ATG3: variants seen among roughly 807,000 people sequenced by gnomAD.
ATG3 encodes the protein ubiquitin-like-conjugating enzyme ATG3.
A neutral mutation model predicts 50.7 loss-of-function variants in ATG3; 25 were observed. That is an observed-to-expected ratio of 0.49 (90% CI 0.36 to 0.69). The LOEUF (loss-of-function observed/expected upper bound fraction) is 0.69. Among genes scored for constraint, ATG3 ranks in the 30% least tolerant of loss-of-function variants. The probability of loss-of-function intolerance (pLI) is 0.00; values close to 1 mark genes in which losing one functional copy is unlikely to be tolerated. For synonymous variants in ATG3, 119 were observed against 125.5 expected, an observed-to-expected ratio of 0.95 and a Z score of 0.34; for missense variants, 281 against 376.0, an observed-to-expected ratio of 0.75 and a Z score of 2.09.
Position 112,548,584 on chromosome 3 carries a change from T to C in ATG3, c.292A>G (p.Ile98Val), listed in dbSNP as rs1460429319. ...MEYSDELEAI[I>V]EEDDGDGGWV... ...CCGCCATCACCATCATCTTCTTCAA[T>C]GATAGCTTCCAATTCATCTGAATAT... is the stretch of plus-strand genomic sequence containing the variant. The change falls in exon 5 of 12, where the codon ATT (isoleucine) becomes GTT (valine). Residue 98 changes from isoleucine to valine, a missense_variant. Ile to Val is a conservative substitution (Grantham distance 29, BLOSUM62 3). Coordinates refer to ENST00000283290, the MANE Select transcript of ATG3 (RefSeq NM_022488.5). The C allele has an allele frequency of 6.2e-6, 10 of 1,613,968 alleles. No individual in the cohort carries two copies. Among genetic ancestry groups the C allele is most frequent in the East Asian group, 2.2e-5 (1 of 44,874 alleles).
Position 112,537,727 on chromosome 3 carries a change from AT to A in ATG3, c.666+7del. 1 of 1,540,322 alleles carries A rather than the reference AT, an allele frequency of 6.5e-7. No homozygotes were observed. The stretch of plus-strand genomic sequence containing the variant: ...TTGATATTAAAATATAATGCTTTTC[AT>A]TTTTACCTCATCATAGCCAAACAAC... On this transcript the variant is annotated splice_region_variant and intron_variant, in intron 9 of 11. Coordinates refer to ENST00000283290, the MANE Select transcript of ATG3 (RefSeq NM_022488.5).
chr3:112,561,242 A>C (rs967345641), intron 1 of ATG3, among the ~76,000 whole-genome samples: 8 of 152,210 alleles, frequency 5.3e-5, no homozygotes, highest in Non-Finnish European at 1.0e-4. Context: ...AGGAACACGC[A>C]GAGCGTCGCT....
chr3:112,541,171 G>A (rs535436259), intron 7 of ATG3, among the ~76,000 whole-genome samples: 64 of 152,234 alleles, frequency 4.2e-4, no homozygotes, highest in South Asian at 2.3e-3. Flanking sequence ...GGGCGATCAT[G>A]AGGTTAAGAG....
chr3:112,535,093 T>A (rs1277806316), intron 10 of ATG3: 2 of 152,068 alleles, frequency 1.3e-5, no homozygotes, highest in Admixed American at 1.3e-4. Context: ...TAGAAAAGAG[T>A]GATATCAAAG....
At chr3:112,533,278 T>A (rs990966574) in intron 11 of ATG3, 4 of 984,678 alleles carry the variant, frequency 4.1e-6, no homozygotes, top group East Asian at 2.3e-4. Flanking sequence ...AATTCTGAAA[T>A]TTTTTTATGT....
chr3:112,561,648 A>C lies in ATG3; in HGVS notation c.-120T>G. 1 of 1,013,046 alleles carries C rather than the reference A, an allele frequency of 9.9e-7. No homozygotes were observed. The highest frequency in any genetic ancestry group is 1.4e-6 in the Non-Finnish European group (1 of 693,922). The allele number at this position is 1,013,046 out of a possible 1,614,324, so 62.8% of individuals were successfully genotyped here. A position where few individuals can be genotyped will look rare whatever the true frequency, so the allele number is the denominator to read the frequency against. On this transcript the variant is annotated 5_prime_UTR_variant, in exon 1 of 12. Transcript: ENST00000283290. ...CTCGCATCAGCACCCGGCTGGCAGC[A>C]CCCGAGGGGACGGGACGCGACGCGA...
intron 3 of ATG3, among the ~76,000 whole-genome samples, chr3:112,551,121 G>A (rs1190381816): frequency 6.6e-6 from 1 of 152,190 alleles, no homozygotes; most frequent in Admixed American, 6.5e-5. Context: ...TCTGAAAACG[G>A]TGAGAGGTGG....
chr3:112,559,046 A>G (rs546009040), intron 1 of ATG3, among the ~76,000 whole-genome samples: 1 of 152,324 alleles, frequency 6.6e-6, no homozygotes, highest in South Asian at 2.1e-4. Context: ...GCCAAGCTCT[A>G]TGTACAAACA....
rs1368880772 is a variant in ATG3 at position 112,537,663 on chromosome 3, C to T, written c.666+72G>A. The T allele has an allele frequency of 4.3e-6, 5 of 1,175,464 alleles. No homozygotes were observed. In the African/African-American group the frequency reaches 7.9e-5, roughly 19 times the overall value. The allele number at this position is 1,175,464 out of a possible 1,614,324, so 72.8% of individuals were successfully genotyped here. A position where few individuals can be genotyped will look rare whatever the true frequency, so the allele number is the denominator to read the frequency against. The stretch of plus-strand genomic sequence containing the variant: ...AAACACTGCAATAAATACTCATGGA[C>T]CTAATGAAGAAGAAATTAAAACCCA... On this transcript the variant is annotated intron_variant, in intron 9 of 11. Coordinates refer to ENST00000283290, the MANE Select transcript of ATG3 (RefSeq NM_022488.5).
chr3:112,556,660 T>C (rs1933691749), intron 2 of ATG3, among the ~76,000 whole-genome samples: 1 of 152,068 alleles, frequency 6.6e-6, no homozygotes, highest in Non-Finnish European at 1.5e-5. Flanking sequence ...CATTGTAGAC[T>C]TTTCATTTTG....
chr3:112,549,394 T>C (rs1365938578), intron 4 of ATG3, among the ~76,000 whole-genome samples: 1 of 152,236 alleles, frequency 6.6e-6, no homozygotes, highest in Non-Finnish European at 1.5e-5. Flanking sequence ...TTCTGTTCAC[T>C]TTATTTTCCC....
chr3:112,538,548 C>A (rs113550588), intron 7 of ATG3, among the ~76,000 whole-genome samples: 1 of 152,194 alleles, frequency 6.6e-6, no homozygotes, highest in Non-Finnish European at 1.5e-5. Flanking sequence ...GATTTAGTCC[C>A]TTCTCCTTGG....
intron 9 of ATG3, among the ~76,000 whole-genome samples, chr3:112,537,191 A>G (rs1933090764): frequency 2.0e-5 from 3 of 152,148 alleles, no homozygotes; most frequent in South Asian, 2.1e-4. Context: ...GTTTGTGGCT[A>G]TCAAAACATT....
chr3:112,541,404 C>A (rs1415073802), intron 7 of ATG3, among the ~76,000 whole-genome samples: 1 of 151,524 alleles, frequency 6.6e-6, no homozygotes, highest in Non-Finnish European at 1.5e-5. Flanking sequence ...AAAAAAAAGG[C>A]CCCATTGAAA....
At chr3:112,538,082 G>A in intron 8 of ATG3, 64 bp downstream of exon 8, 1 of 1,318,294 alleles carries the variant, frequency 7.6e-7, no homozygotes, top group Non-Finnish European at 1.1e-6. Flanking sequence ...TATATTATTA[G>A]TAAGAACATG....
intron 1 of ATG3, 100 bp from the exon 2 acceptor site, chr3:112,558,517 G>C: frequency 2.2e-6 from 2 of 900,652 alleles, no homozygotes; most frequent in South Asian, 1.4e-5. Context: ...CTAGGCAATA[G>C]AGCACATACA....
chr3:112,538,674 G>A (rs1411390677), intron 7 of ATG3, among the ~76,000 whole-genome samples: 1 of 152,078 alleles, frequency 6.6e-6, no homozygotes, highest in African/African-American at 2.4e-5. Context: ...ACTTTAAAAA[G>A]AACCATAAAA....
intron 2 of ATG3, among the ~76,000 whole-genome samples, chr3:112,557,795 A>C (rs1933730298): frequency 6.6e-6 from 1 of 151,950 alleles, no homozygotes; most frequent in Admixed American, 6.6e-5. Flanking sequence ...TTCTATTGCC[A>C]AAAAGTGGTG....
At chr3:112,560,395 C>T (rs1340481183) in intron 1 of ATG3, among the ~76,000 whole-genome samples, 1 of 152,154 alleles carries the variant, frequency 6.6e-6, no homozygotes, top group Non-Finnish European at 1.5e-5. Flanking sequence ...TTATTTCTTA[C>T]TTGGCCAATA....
Sources: gnomAD v4.1 joint callset for allele counts (sites outside exome capture counted in the v4.1 genomes callset) on GRCh38, gnomAD v4.1.1 for gene constraint, MANE v1.5 for transcripts, NCBI Gene and HGNC (gene_info 2026-07-23, HGNC 2026-07-21) for gene names.